The following SLC14A2 variants were observed in gnomAD, a reference collection of about 807,000 sequenced individuals.
SLC14A2 encodes the protein solute carrier family 14 member 2, also known as urea transporter 2.
A neutral mutation model predicts 104.6 loss-of-function variants in SLC14A2; 91 were observed. That is an observed-to-expected ratio of 0.87 (90% CI 0.73 to 1.04). The LOEUF is 1.04. SLC14A2 is among the 50% of genes least tolerant of loss of function. The pLI is 0.00. For synonymous variants in SLC14A2, 476 were observed against 466.4 expected, an observed-to-expected ratio of 1.02 and a Z score of -0.27; for missense variants, 1,189 against 1,156.0, an observed-to-expected ratio of 1.03 and a Z score of -0.41.
At chr18:45,448,088 C>CAGCAATG (rs2086798970) in intron 1 of SLC14A2, among the ~76,000 whole-genome samples, 6 of 152,242 alleles carry the variant, frequency 3.9e-5, no homozygotes, top group Admixed American at 3.9e-4. Context: ...CAGCATACCT[C>CAGCAATG]AGCAATGAGT....
the SLC14A2 span, among the ~76,000 whole-genome samples, chr18:45,177,715 G>T: frequency 6.6e-6 from 1 of 152,012 alleles, no homozygotes; most frequent in African/African-American, 2.4e-5. Flanking sequence ...ATATTTGTGG[G>T]ATTATTTGTG....
At chr18:45,470,464 T>C (rs2087226516) in intron 1 of SLC14A2, among the ~76,000 whole-genome samples, 1 of 152,238 alleles carries the variant, frequency 6.6e-6, no homozygotes, top group South Asian at 2.1e-4. Context: ...ATAGATGTGT[T>C]TGTACTCAGT....
At position 45,320,511 on chromosome 18, in the gene SLC14A2, GTCT is replaced by G. The variant is rs201138467; in HGVS notation, c.-125+107325_-125+107327del. ...CATGATGGTCTTTTTTGGCAAGAACGTCTTCTTGCTTTCCTGTAAATCGCAGAC... is the reference window on the plus strand; with the variant it reads ...CATGATGGTCTTTTTTGGCAAGAACGTCTTGCTTTCCTGTAAATCGCAGAC... On this transcript the variant is annotated intron_variant, in intron 1 of 20. Coordinates refer to the SLC14A2 transcript ENST00000586448. 4.6e-3 allele frequency among the ~76,000 whole-genome samples: 701 copies of G among 152,284 alleles called. 5 individuals are homozygous for G. The highest frequency in any genetic ancestry group is 0.016 in the African/African-American group (671 of 41,528).
At chr18:45,537,045 CCCTCCCTCCCTCCCTCCCTCCCTT>C (rs1426195199) in intron 2 of SLC14A2, among the ~76,000 whole-genome samples, 4 of 128,850 alleles carry the variant, frequency 3.1e-5, no homozygotes, top group East Asian at 2.4e-4. Context: ...CTCCCTCCCT[CCCTCCCTCCCTCCCTCCCTCCCTT>C]CCTTCCTTCC....
At position 45,576,318 on chromosome 18, in the gene SLC14A2, C is replaced by G. The variant is rs988369777; in HGVS notation, c.-34-48313C>G. Among the ~76,000 whole-genome samples the G allele has an allele frequency of 7.7e-5, 10 of 129,856 alleles. 1 individual carries two copies. The highest frequency in any genetic ancestry group is 1.4e-4 in the Non-Finnish European group (9 of 63,016). The allele number at this position is 129,856 out of a possible 152,430, so 85.2% of individuals were successfully genotyped here. ...TGAGATGGAGTCTCTCTCACTCACT[C>G]TGTCGCCCAGGCTGGAGTACAATGG... On this transcript the variant is annotated intron_variant, in intron 2 of 20. Coordinates refer to the SLC14A2 transcript ENST00000586448.
intron 2 of SLC14A2, among the ~76,000 whole-genome samples, chr18:45,524,633 T>C (rs951797337): frequency 1.1e-4 from 17 of 152,334 alleles, no homozygotes; most frequent in African/African-American, 4.1e-4. Flanking sequence ...CATGAAACTT[T>C]GGCATTTCAT....
chr18:45,378,172 G>C (rs1019222046), intron 1 of SLC14A2, among the ~76,000 whole-genome samples: 7 of 152,066 alleles, frequency 4.6e-5, no homozygotes, highest in Non-Finnish European at 1.0e-4. Context: ...AGCTCCTAAG[G>C]CTTGGGACTG....
chr18:45,582,289 T>C (rs913935827), intron 2 of SLC14A2, among the ~76,000 whole-genome samples: 3 of 152,120 alleles, frequency 2.0e-5, no homozygotes, highest in South Asian at 2.1e-4. Flanking sequence ...AGATGGCCTG[T>C]TACAAATTAA....
At chr18:45,668,588 T>C in intron 15 of SLC14A2, 111 bp downstream of exon 15, 1 of 1,226,028 alleles carries the variant, frequency 8.2e-7, no homozygotes, top group Non-Finnish European at 1.2e-6. Flanking sequence ...TGTATTTAGC[T>C]TGCACATCAG....
At chr18:45,342,757 A>G (rs2085408854) in intron 1 of SLC14A2, among the ~76,000 whole-genome samples, 1 of 152,210 alleles carries the variant, frequency 6.6e-6, no homozygotes, top group African/African-American at 2.4e-5. Flanking sequence ...TGAATATGGA[A>G]AGATAATCAT....
At chr18:45,299,028 C>T (rs1004283556) in intron 1 of SLC14A2, among the ~76,000 whole-genome samples, 3 of 151,996 alleles carry the variant, frequency 2.0e-5, no homozygotes, top group Non-Finnish European at 1.5e-5. Context: ...AGCCTTCTGG[C>T]TAAAAGGTAG....
At chr18:45,570,840 A>C (rs1157509170) in intron 2 of SLC14A2, among the ~76,000 whole-genome samples, 2 of 152,138 alleles carry the variant, frequency 1.3e-5, no homozygotes, top group Admixed American at 1.3e-4. Flanking sequence ...CATGAAATTT[A>C]TTGTGTCTCT....
intron 1 of SLC14A2, among the ~76,000 whole-genome samples, chr18:45,476,035 G>A (rs375018086): frequency 6.6e-6 from 1 of 152,010 alleles, no homozygotes; most frequent in South Asian, 2.1e-4. Context: ...ATGATAGCTG[G>A]TTATTTTGCC....
chr18:45,634,695 G>A (rs1815951087), intron 5 of SLC14A2: 1 of 403,296 alleles, frequency 2.5e-6, no homozygotes, highest in Admixed American at 2.7e-5. Flanking sequence ...AGTCAGACCA[G>A]GTACACCCTG....
At chr18:45,484,252 G>C (rs548665099) in intron 2 of SLC14A2, among the ~76,000 whole-genome samples, 1 of 152,004 alleles carries the variant, frequency 6.6e-6, no homozygotes, top group South Asian at 2.1e-4. Flanking sequence ...TACCCAACTT[G>C]GCCTAAAATT....
chr18:45,669,303 C>T lies in SLC14A2; in HGVS notation c.2037-3C>T, dbSNP rs1183222160. On this transcript the variant is annotated splice_region_variant and splice_polypyrimidine_tract_variant and intron_variant, in intron 15 of 19. Transcript: ENST00000255226. ...CCAGCATCTCTCATGCTTCTGCCAT[C>T]AGCCCCATCCTCTCCAGTGCCCTGG... is the stretch of plus-strand genomic sequence containing the variant. 5 of 1,609,114 alleles carry T rather than the reference C, an allele frequency of 3.1e-6. No homozygotes were observed. Among genetic ancestry groups the T allele is most frequent in the Non-Finnish European group, 4.2e-6 (5 of 1,177,306 alleles).
chr18:45,424,849 A>G (rs2086401816), intron 1 of SLC14A2, among the ~76,000 whole-genome samples: 1 of 152,236 alleles, frequency 6.6e-6, no homozygotes, highest in South Asian at 2.1e-4. Context: ...ATATTTCTAT[A>G]GAAATTTTTA....
intron 2 of SLC14A2, among the ~76,000 whole-genome samples, chr18:45,486,858 G>A (rs1204994802): frequency 1.3e-5 from 2 of 152,156 alleles, no homozygotes; most frequent in Non-Finnish European, 2.9e-5. Flanking sequence ...ATGAAAAAAT[G>A]TCAGGTTGAA....
Position 45,668,488 on chromosome 18 carries a change from T to C in SLC14A2, c.2036+11T>C, listed in dbSNP as rs1268151473. The C allele has an allele frequency of 6.2e-7, 1 of 1,613,984 alleles. No homozygotes were observed. The highest frequency in any genetic ancestry group is 2.2e-5 in the East Asian group (1 of 44,896). Reference sequence around the variant, plus strand: ...CATGTCCATGTCTTGGTAAGTTTGCTTTTGAAGGGTTGTGGGTTCATATCA... The same window carrying C: ...CATGTCCATGTCTTGGTAAGTTTGCCTTTGAAGGGTTGTGGGTTCATATCA... On this transcript the variant is annotated intron_variant, in intron 15 of 19. Transcript: ENST00000255226.
Sources: allele counts gnomAD v4.1 joint callset (sites outside exome capture counted in the v4.1 genomes callset), GRCh38; gene constraint gnomAD v4.1.1; transcripts MANE v1.5; gene names NCBI Gene and HGNC (gene_info 2026-07-23, HGNC 2026-07-21).